The following WWC2 variants were observed in gnomAD, a reference collection of about 807,000 sequenced individuals.
WWC2 encodes protein WWC2.
In WWC2, 101 loss-of-function variants were observed where a neutral mutation model predicts 138.5. That is an observed-to-expected ratio of 0.73 (90% CI 0.62 to 0.86). The LOEUF (loss-of-function observed/expected upper bound fraction) is 0.86, where lower values mean the gene tolerates loss of function less well. Ranked by LOEUF, WWC2 falls within the 40% of genes least tolerant of loss-of-function variation. The pLI, the probability that WWC2 is intolerant of heterozygous loss-of-function variation, is 0.00. For missense variants in WWC2, 1,420 were observed against 1,419.4 expected, an observed-to-expected ratio of 1.00 and a Z score of -0.01; for synonymous variants, 558 against 538.4, an observed-to-expected ratio of 1.04 and a Z score of -0.50.
At chr4:183,116,484 G>T (rs759520323) in intron 1 of WWC2, among the ~76,000 whole-genome samples, 1 of 152,176 alleles carries the variant, frequency 6.6e-6, no homozygotes, top group African/African-American at 2.4e-5. Flanking sequence ...TTGTCTAAGG[G>T]CACAAAGCTG....
intron 1 of WWC2, among the ~76,000 whole-genome samples, chr4:183,174,758 A>T (rs1223885368): frequency 6.6e-6 from 1 of 151,928 alleles, no homozygotes; most frequent in African/African-American, 2.4e-5. Flanking sequence ...TGCCAATTTT[A>T]TCATCTCCTT....
At chr4:183,237,990 C>T (rs1736483161) in intron 4 of WWC2, among the ~76,000 whole-genome samples, 1 of 152,160 alleles carries the variant, frequency 6.6e-6, no homozygotes, top group African/African-American at 2.4e-5. Context: ...TTTCAATACA[C>T]ACCCACTTTA....
Position 183,315,819 on chromosome 4 carries a change from G to GT in WWC2, c.*98dup, listed in dbSNP as rs1188150241. Reference sequence around the variant, plus strand: ...ATTTGTGTTTTTGTTTTGGTGTTTGGTTTTTTTTGGTAACGTAACTGTCAA... The same window carrying GT: ...ATTTGTGTTTTTGTTTTGGTGTTTGGTTTTTTTTTGGTAACGTAACTGTCAA... On this transcript the variant is annotated 3_prime_UTR_variant, in exon 23 of 23. Coordinates refer to ENST00000403733, the MANE Select transcript of WWC2 (RefSeq NM_024949.6). 2.3e-4 allele frequency: 237 copies of GT among 1,023,102 alleles called. No individual in the cohort carries two copies. The highest frequency in any genetic ancestry group is 3.3e-4 in the South Asian group (19 of 57,712). The allele number at this position is 1,023,102 out of a possible 1,614,324, so 63.4% of individuals were successfully genotyped here. A position where few individuals can be genotyped will look rare whatever the true frequency, so the allele number is the denominator to read the frequency against.
At chr4:183,164,622 G>A (rs1457784393) in intron 1 of WWC2, among the ~76,000 whole-genome samples, 1 of 151,954 alleles carries the variant, frequency 6.6e-6, no homozygotes, top group Non-Finnish European at 1.5e-5. Flanking sequence ...TTTGAAACCA[G>A]CAGCAGAGAA....
intron 3 of WWC2, among the ~76,000 whole-genome samples, chr4:183,208,667 T>C (rs964277601): frequency 1.3e-5 from 2 of 152,188 alleles, no homozygotes; most frequent in African/African-American, 4.8e-5. Context: ...AACTCTGATA[T>C]ACTGCTGCAG....
chr4:183,268,948 C>T (rs1164160508), intron 14 of WWC2, 23 bp from the exon 15 acceptor site: 2 of 1,588,452 alleles, frequency 1.3e-6, no homozygotes, highest in South Asian at 2.3e-5. Context: ...CTATGAAATC[C>T]ATTTTATTCT....
chr4:183,219,515 T>A (rs183714862), intron 4 of WWC2, among the ~76,000 whole-genome samples: 1 of 152,170 alleles, frequency 6.6e-6, no homozygotes. Flanking sequence ...TACAAGACTT[T>A]TTAAATAATT....
intron 1 of WWC2, among the ~76,000 whole-genome samples, chr4:183,138,664 A>G (rs531549042): frequency 6.6e-6 from 1 of 152,274 alleles, no homozygotes; most frequent in South Asian, 2.1e-4. Flanking sequence ...TGGACACCCT[A>G]TCTAATTAGG....
In WWC2 at chr4:183,319,184, T is replaced by C. The variant is rs1739547293; in HGVS notation, c.*3455T>C. 1 of 176,076 alleles carries C rather than the reference T, an allele frequency of 5.7e-6. No individual in the cohort carries two copies. The highest frequency in any genetic ancestry group is 1.2e-5 in the Non-Finnish European group (1 of 81,848). 10.9% of individuals were successfully genotyped at this position (176,076 alleles called of 1,614,324 possible). A position where few individuals can be genotyped will look rare whatever the true frequency, so the allele number is the denominator to read the frequency against. ...ATGCAACAAGACCTCAGGCTTATTA[T>C]ACTAGGTTATCTTAAACACCTGAAA... On this transcript the variant is annotated 3_prime_UTR_variant, in exon 23 of 23. Transcript: ENST00000403733.
chr4:183,119,492 T>TG (rs1177637308), intron 1 of WWC2, among the ~76,000 whole-genome samples: 2 of 152,188 alleles, frequency 1.3e-5, no homozygotes, highest in African/African-American at 4.8e-5. Context: ...AACCATGACT[T>TG]GCTTCTTAAG....
At chr4:183,152,540 A>C (rs547469706) in intron 1 of WWC2, among the ~76,000 whole-genome samples, 139 of 151,548 alleles carry the variant, frequency 9.2e-4, no homozygotes, top group African/African-American at 3.0e-3. Flanking sequence ...TAAAAAAAAA[A>C]AAAAAACGCA....
Position 183,248,821 on chromosome 4 carries a change from G to T in WWC2, c.840G>T (p.Gln280His). The T allele has an allele frequency of 6.2e-7, 1 of 1,602,440 alleles. No homozygotes were observed. Residue 280 changes from glutamine to histidine, a missense_variant, in exon 7 of 23, where the codon CAG (glutamine) becomes CAT (histidine). Gln to His is a conservative substitution (Grantham distance 24). Coordinates refer to ENST00000403733, the MANE Select transcript of WWC2 (RefSeq NM_024949.6). ...PVNSHLCLSRQTLDAGSQTSI... is the reference protein window; with the variant it reads ...PVNSHLCLSRHTLDAGSQTSI... ...ACTCTCATTTATGTCTCTCCAGACA[G>T]ACCCTTGATGCTGGGTCACAAACAA...
chr4:183,188,300 A>C (rs2111199140), intron 1 of WWC2, among the ~76,000 whole-genome samples: 1 of 151,680 alleles, frequency 6.6e-6, no homozygotes, highest in East Asian at 2.0e-4. Flanking sequence ...GTGCAGTGGC[A>C]CAATCTTGGC....
intron 1 of WWC2, among the ~76,000 whole-genome samples, chr4:183,173,752 A>G (rs553707956): frequency 2.6e-5 from 4 of 152,274 alleles, no homozygotes; most frequent in Non-Finnish European, 5.9e-5. Context: ...GGATTCATCC[A>G]GAGCCACTTT....
intron 1 of WWC2, among the ~76,000 whole-genome samples, chr4:183,184,603 A>T (rs895215524): frequency 2.0e-5 from 3 of 152,212 alleles, no homozygotes; most frequent in East Asian, 1.9e-4. Context: ...CCCACAATGT[A>T]CAGAGTTCCC....
At chr4:183,165,973 G>C (rs1159833870) in intron 1 of WWC2, among the ~76,000 whole-genome samples, 1 of 152,194 alleles carries the variant, frequency 6.6e-6, no homozygotes, top group Non-Finnish European at 1.5e-5. Flanking sequence ...CATTTATGTA[G>C]CAGTGTTTTA....
intron 1 of WWC2, among the ~76,000 whole-genome samples, chr4:183,144,011 A>G (rs891868655): frequency 6.6e-6 from 1 of 152,224 alleles, no homozygotes; most frequent in African/African-American, 2.4e-5. Context: ...ACTAGTGAAT[A>G]TGAAATTAAG....
intron 19 of WWC2, among the ~76,000 whole-genome samples, 197 bp from the exon 20 acceptor site, chr4:183,285,770 T>A (rs972530396): frequency 6.6e-6 from 1 of 151,644 alleles, no homozygotes; most frequent in Admixed American, 6.6e-5. Flanking sequence ...AAAAAAAAAA[T>A]ACATAAATAA....
At chr4:183,153,150 C>A (rs1733694592) in intron 1 of WWC2, among the ~76,000 whole-genome samples, 1 of 152,164 alleles carries the variant, frequency 6.6e-6, no homozygotes, top group Non-Finnish European at 1.5e-5. Flanking sequence ...AGCTATCCTC[C>A]TGCGTTGGCC....
Sources: allele counts gnomAD v4.1 joint callset (sites outside exome capture counted in the v4.1 genomes callset), GRCh38; gene constraint gnomAD v4.1.1; transcripts MANE v1.5; gene names NCBI Gene and HGNC (gene_info 2026-07-23, HGNC 2026-07-21).